TMEM132D: variants seen among roughly 807,000 people sequenced by gnomAD.
TMEM132D encodes the protein mature OL transmembrane protein.
TMEM132D carries 21 observed loss-of-function variants against 62.3 expected under a neutral mutation model. That is an observed-to-expected ratio of 0.34 (90% CI 0.24 to 0.49). The LOEUF is 0.49. Among genes scored for constraint, TMEM132D ranks in the 20% least tolerant of loss-of-function variants. The probability of loss-of-function intolerance (pLI) is 0.99; values close to 1 mark genes in which losing one functional copy is unlikely to be tolerated. For synonymous variants in TMEM132D, 621 were observed against 575.6 expected, an observed-to-expected ratio of 1.08 and a Z score of -1.13; for missense variants, 1,346 against 1,402.8, an observed-to-expected ratio of 0.96 and a Z score of 0.65.
intron 5 of TMEM132D, among the ~76,000 whole-genome samples, chr12:129,178,217 T>C (rs552070119): frequency 1.3e-5 from 2 of 152,334 alleles, no homozygotes; most frequent in East Asian, 3.9e-4. Context: ...TTGTGAATAG[T>C]GCTGTGGTGA....
Position 129,700,679 on chromosome 12 carries a change from G to A in TMEM132D, c.99C>T (p.Ile33=), listed in dbSNP as rs2137228039. 1.9e-6 allele frequency: 3 copies of A among 1,611,708 alleles called. No homozygotes were observed. The highest frequency in any genetic ancestry group is 2.5e-6 in the Non-Finnish European group (3 of 1,179,022). Residue 33 remains isoleucine, a synonymous_variant, in exon 2 of 9, where the codon ATC becomes ATT. Coordinates refer to ENST00000422113, the MANE Select transcript of TMEM132D (RefSeq NM_133448.3). Reference sequence around the variant, plus strand: ...AGGAAAACCTCTGGATGCTCTCAAGGATCCCTCGACCTTCCGTCACTGTGG... The same window carrying A: ...AGGAAAACCTCTGGATGCTCTCAAGAATCCCTCGACCTTCCGTCACTGTGG... The part of the protein sequence containing the change: ...LFSKVTEGRG[I]LESIQRFSLL...
At chr12:129,823,684 C>T (rs556220247) in intron 1 of TMEM132D, among the ~76,000 whole-genome samples, 13 of 152,276 alleles carry the variant, frequency 8.5e-5, no homozygotes, top group African/African-American at 2.2e-4. Flanking sequence ...TAGGAAGAAT[C>T]GTGGAGAGGA....
chr12:129,191,397 A>G (rs1161512925), intron 5 of TMEM132D, among the ~76,000 whole-genome samples: 1 of 151,510 alleles, frequency 6.6e-6, no homozygotes, highest in African/African-American at 2.4e-5. Flanking sequence ...ACACATATAG[A>G]ATACAGAATA....
chr12:129,448,039 TAGA>T (rs947529760), intron 3 of TMEM132D, among the ~76,000 whole-genome samples: 1 of 152,196 alleles, frequency 6.6e-6, no homozygotes, highest in African/African-American at 2.4e-5. Context: ...CTTGGCTTCG[TAGA>T]TGCTCAGGAA....
chr12:129,728,806 A>T (rs1869121282), intron 1 of TMEM132D, among the ~76,000 whole-genome samples: 1 of 151,952 alleles, frequency 6.6e-6, no homozygotes, highest in Non-Finnish European at 1.5e-5. Flanking sequence ...CATTGCCCAA[A>T]CTCAGTGCTT....
intron 1 of TMEM132D, among the ~76,000 whole-genome samples, chr12:129,843,555 A>C (rs1034315909): frequency 3.3e-5 from 5 of 152,234 alleles, no homozygotes; most frequent in Non-Finnish European, 7.3e-5. Flanking sequence ...GATCAAAATA[A>C]CCTGCAGAAA....
chr12:129,106,392 T>A (rs985389944), intron 5 of TMEM132D, among the ~76,000 whole-genome samples: 1 of 151,472 alleles, frequency 6.6e-6, no homozygotes, highest in African/African-American at 2.4e-5. Context: ...ATTGTGCACA[T>A]GTACCCTAAA....
At chr12:129,385,085 C>CT (rs869098367) in intron 3 of TMEM132D, among the ~76,000 whole-genome samples, 3,534 of 86,862 alleles carry the variant, frequency 0.041, 552 homozygotes, top group African/African-American at 0.15. Context: ...TGTTAAAGTT[C>CT]TTTTTTTTTT....
chr12:129,515,604 G>GC (rs1399032948), intron 3 of TMEM132D, among the ~76,000 whole-genome samples: 1 of 152,154 alleles, frequency 6.6e-6, no homozygotes, highest in African/African-American at 2.4e-5. Context: ...TCTCCCCTGA[G>GC]CCACGGTCAT....
chr12:129,287,825 T>C (rs908124282), intron 4 of TMEM132D, among the ~76,000 whole-genome samples: 1 of 152,226 alleles, frequency 6.6e-6, no homozygotes, highest in Non-Finnish European at 1.5e-5. Flanking sequence ...ACTGGTATTT[T>C]TGACACCCTT....
chr12:129,640,541 C>T (rs1366532170), intron 2 of TMEM132D, among the ~76,000 whole-genome samples: 1 of 152,142 alleles, frequency 6.6e-6, no homozygotes, highest in Non-Finnish European at 1.5e-5. Flanking sequence ...GGGGAAAGAA[C>T]CATGGAAATG....
At chr12:129,690,331 C>T (rs112157246) in intron 2 of TMEM132D, among the ~76,000 whole-genome samples, 1 of 151,592 alleles carries the variant, frequency 6.6e-6, no homozygotes, top group African/African-American at 2.4e-5. Context: ...TAGTTAAAAA[C>T]ATGATCAATA....
At chr12:129,711,297 A>G (rs749402663) in intron 1 of TMEM132D, among the ~76,000 whole-genome samples, 10 of 152,184 alleles carry the variant, frequency 6.6e-5, no homozygotes, top group Non-Finnish European at 1.3e-4. Context: ...TCTGTGTACA[A>G]TCCACAACAT....
At chr12:129,246,582 C>T (rs1209116315) in intron 4 of TMEM132D, among the ~76,000 whole-genome samples, 1 of 152,048 alleles carries the variant, frequency 6.6e-6, no homozygotes, top group Non-Finnish European at 1.5e-5. Context: ...ATCGTGAACA[C>T]CTGTCTCTTC....
chr12:129,159,365 G>T (rs1877332472), intron 5 of TMEM132D, among the ~76,000 whole-genome samples: 1 of 152,132 alleles, frequency 6.6e-6, no homozygotes, highest in African/African-American at 2.4e-5. Flanking sequence ...TATATAGAAA[G>T]TCAATTCATT....
chr12:129,714,100 G>A (rs111695948), intron 1 of TMEM132D, among the ~76,000 whole-genome samples: 306 of 152,196 alleles, frequency 2.0e-3, no homozygotes, highest in African/African-American at 7.1e-3. Flanking sequence ...TCTTCCTCAC[G>A]TGCACTGAAC....
rs570971640 is a variant in TMEM132D, at chr12:129,720,159, C to T, written c.80-19461G>A. On this transcript the variant is annotated intron_variant, in intron 1 of 8. Coordinates refer to ENST00000422113, the MANE Select transcript of TMEM132D (RefSeq NM_133448.3). ...CTTGCACGCAGGAATGGTGTCTTTC[C>T]CTGGTGTCAGGCTAATTACAACAAA... Among the ~76,000 whole-genome samples, 6 of 152,148 alleles carry T rather than the reference C, an allele frequency of 3.9e-5. No homozygotes were observed. In the South Asian group the frequency reaches 1.2e-3, roughly 32 times the overall value.
intron 2 of TMEM132D, among the ~76,000 whole-genome samples, chr12:129,642,792 T>C (rs924976638): frequency 1.8e-4 from 28 of 152,332 alleles, no homozygotes; most frequent in African/African-American, 5.8e-4. Context: ...AACTCTTCGC[T>C]TGGTGATGGT....
chr12:129,770,666 G>A (rs1409714960), intron 1 of TMEM132D, among the ~76,000 whole-genome samples: 3 of 152,100 alleles, frequency 2.0e-5, no homozygotes, highest in Non-Finnish European at 4.4e-5. Flanking sequence ...CCTAACCTAC[G>A]GAACATCACA....
Sources: gnomAD v4.1 joint callset for allele counts (sites outside exome capture counted in the v4.1 genomes callset) on GRCh38, gnomAD v4.1.1 for gene constraint, MANE v1.5 for transcripts, NCBI Gene and HGNC (gene_info 2026-07-23, HGNC 2026-07-21) for gene names.